Variants in HSPA12A observed in about 807,000 individuals in gnomAD.
HSPA12A encodes heat shock protein family A (Hsp70) member 12A.
In HSPA12A, 28 loss-of-function variants were observed where a neutral mutation model predicts 69.2. The observed-to-expected ratio is 0.40, with a 90% CI of 0.30 to 0.55. The LOEUF (loss-of-function observed/expected upper bound fraction) is 0.55, where lower values mean the gene tolerates loss of function less well. HSPA12A is among the 20% of genes least tolerant of loss of function. The probability of loss-of-function intolerance (pLI) is 0.38; values close to 1 mark genes in which losing one functional copy is unlikely to be tolerated. For synonymous variants in HSPA12A, 345 were observed against 370.5 expected (o/e 0.93, Z 0.79); for missense variants, 686 against 900.7 (o/e 0.76, Z 3.05).
At chr10:116,692,903 C>T (rs1441917328) in intron 5 of HSPA12A, among the ~76,000 whole-genome samples, 2 of 152,146 alleles carry the variant, frequency 1.3e-5, no homozygotes, top group African/African-American at 4.8e-5. Flanking sequence ...CTTTGCATAC[C>T]TTGTCTCTAT....
chr10:116,849,664 C>A (rs1248051762), exon 1 of HSPA12A: 38 of 1,550,132 alleles, frequency 2.5e-5, no homozygotes, highest in Non-Finnish European at 2.5e-5. Flanking sequence ...AACGACGTTC[C>A]GCGCAGGCTG....
intron 1 of HSPA12A, among the ~76,000 whole-genome samples, chr10:116,843,708 T>C (rs7098514): frequency 0.054 from 8,252 of 152,254 alleles, 706 homozygotes; most frequent in African/African-American, 0.18. Context: ...GAGAAATCTT[T>C]TGGAGCAGCG....
At chr10:116,773,195 G>A (rs911892638) in intron 2 of HSPA12A, among the ~76,000 whole-genome samples, 1 of 152,248 alleles carries the variant, frequency 6.6e-6, no homozygotes, top group Non-Finnish European at 1.5e-5. Flanking sequence ...GCAAGAGCAG[G>A]CCCAGGTGGG....
In HSPA12A at chr10:116,795,275, A is replaced by C. The variant is rs150602732; in HGVS notation, c.91+39660T>G. On this transcript the variant is annotated intron_variant, in intron 2 of 12. Coordinates refer to the HSPA12A transcript ENST00000635765. ...TAGTACAGAGGATGATTTTCAGTGT[A>C]CTTGGGCACATATTTATTTTACTAG... 1.6e-3 allele frequency among the ~76,000 whole-genome samples: 240 copies of C among 152,326 alleles called. 5 individuals are homozygous for C. In the East Asian group the frequency reaches 0.042, roughly 27 times the overall value.
intron 2 of HSPA12A, among the ~76,000 whole-genome samples, chr10:116,782,404 G>T (rs1844483271): frequency 6.6e-6 from 1 of 152,216 alleles, no homozygotes; most frequent in South Asian, 2.1e-4. Flanking sequence ...TATATGACAA[G>T]GCTGATAGCA....
intron 1 of HSPA12A, among the ~76,000 whole-genome samples, chr10:116,728,768 A>G (rs781821912): frequency 1.3e-5 from 2 of 152,234 alleles, no homozygotes; most frequent in Non-Finnish European, 1.5e-5. Context: ...CTTTTAAAAG[A>G]GAACACTAAA....
At chr10:116,735,229 T>C (rs377448177) in intron 1 of HSPA12A, among the ~76,000 whole-genome samples, 2 of 152,240 alleles carry the variant, frequency 1.3e-5, no homozygotes, top group African/African-American at 4.8e-5. Flanking sequence ...TAAAGCATAA[T>C]ATAGTTTTCT....
chr10:116,772,557 C>T (rs955942110), intron 2 of HSPA12A, among the ~76,000 whole-genome samples: 3 of 152,192 alleles, frequency 2.0e-5, no homozygotes, highest in Non-Finnish European at 4.4e-5. Context: ...CTTGAAGGCA[C>T]GAGAGCAAAT....
chr10:116,806,702 G>A (rs1257209325), intron 2 of HSPA12A, among the ~76,000 whole-genome samples: 2 of 152,142 alleles, frequency 1.3e-5, no homozygotes, highest in African/African-American at 4.8e-5. Context: ...AGTGCTAAGG[G>A]GCCCTCGTTC....
intron 2 of HSPA12A, among the ~76,000 whole-genome samples, chr10:116,788,171 A>C (rs1844619640): frequency 6.6e-6 from 1 of 152,176 alleles, no homozygotes; most frequent in Admixed American, 6.5e-5. Flanking sequence ...ACCAAAGCAC[A>C]TCCTGCAAAA....
chr10:116,781,646 C>T (rs782762272), intron 2 of HSPA12A, among the ~76,000 whole-genome samples: 6 of 152,112 alleles, frequency 3.9e-5, no homozygotes, highest in East Asian at 1.9e-4. Flanking sequence ...GCTTAATTGT[C>T]GCTAAAAGGA....
In HSPA12A at chr10:116,698,671, A is replaced by T. The variant is rs782080197; in HGVS notation, c.510T>A (p.Ala170=). 6.2e-6 allele frequency: 10 copies of T among 1,613,996 alleles called. No individual in the cohort carries two copies. Among genetic ancestry groups the T allele is most frequent in the Non-Finnish European group, 2.5e-6 (3 of 1,179,938 alleles). Residue 170 remains alanine, a synonymous_variant, in exon 5 of 12, where the codon GCT becomes GCA. Transcript: ENST00000369209. ...GCTCCTTAAAGTACTGCAGGGCATA[A>T]GCAAAGATTTCAAGGGCTTTGACTT... is the stretch of plus-strand genomic sequence containing the variant. ...GKKVKALEIF[A]YALQYFKEQA... is the part of the protein sequence containing the mutation.
intron 1 of HSPA12A, among the ~76,000 whole-genome samples, chr10:116,846,999 T>G (rs1845899748): frequency 6.6e-6 from 1 of 152,202 alleles, no homozygotes. Context: ...ATTTTCCCCC[T>G]TTGCCCTCCA....
At position 116,671,256 on chromosome 10, in the gene HSPA12A, G is replaced by A. The variant is rs1192897647; in HGVS notation, c.*3525C>T. ...CAAGAGAGTTTGCAGACACAGTCCCGTCTGGTGGTGAACTGCTGCAAAGTT... is the reference window on the plus strand; with the variant it reads ...CAAGAGAGTTTGCAGACACAGTCCCATCTGGTGGTGAACTGCTGCAAAGTT... On this transcript the variant is annotated 3_prime_UTR_variant, in exon 12 of 12. Coordinates refer to ENST00000369209, the MANE Select transcript of HSPA12A (RefSeq NM_025015.3). The A allele has an allele frequency of 6.6e-6, 1 of 152,156 alleles. No individual in the cohort carries two copies. Among genetic ancestry groups the A allele is most frequent in the East Asian group, 1.9e-4 (1 of 5,190 alleles). The allele number at this position is 152,156 out of a possible 1,614,324, so 9.4% of individuals were successfully genotyped here.
At chr10:116,803,438 G>A (rs1427023312) in intron 2 of HSPA12A, among the ~76,000 whole-genome samples, 2 of 152,168 alleles carry the variant, frequency 1.3e-5, no homozygotes, top group Non-Finnish European at 2.9e-5. Flanking sequence ...TTCTGCTTCG[G>A]TATCTAACCC....
At chr10:116,786,983 G>GACACAC (rs111355992) in intron 2 of HSPA12A, among the ~76,000 whole-genome samples, 112 of 66,822 alleles carry the variant, frequency 1.7e-3, no homozygotes, top group African/African-American at 4.0e-3. Context: ...TCACCTCCCG[G>GACACAC]ACACACACAC....
intron 1 of HSPA12A, among the ~76,000 whole-genome samples, chr10:116,713,216 T>C (rs1554883383): frequency 1.3e-5 from 2 of 151,870 alleles, no homozygotes; most frequent in African/African-American, 4.8e-5. Flanking sequence ...AAAAATCTTT[T>C]ATTACCCTAT....
intron 8 of HSPA12A, 76 bp from the exon 9 acceptor site, chr10:116,681,332 G>C: frequency 1.7e-6 from 2 of 1,169,710 alleles, no homozygotes; most frequent in Non-Finnish European, 2.6e-6. Context: ...GTGGTAACTA[G>C]GTAGACCCAG....
chr10:116,727,770 G>GT (rs1489615337), intron 1 of HSPA12A, among the ~76,000 whole-genome samples: 1 of 45,984 alleles, frequency 2.2e-5, no homozygotes, highest in Admixed American at 2.6e-4. Flanking sequence ...TTTTTTTTTG[G>GT]TTTTTTGGAA....
Sources: gnomAD v4.1 joint callset for allele counts (sites outside exome capture counted in the v4.1 genomes callset) on GRCh38, gnomAD v4.1.1 for gene constraint, MANE v1.5 for transcripts, NCBI Gene and HGNC (gene_info 2026-07-23, HGNC 2026-07-21) for gene names.